The following ZFR2 variants were observed in gnomAD, a reference collection of about 807,000 sequenced individuals.
ZFR2 encodes zinc finger RNA-binding protein 2.
In ZFR2, 104 loss-of-function variants were observed where a neutral mutation model predicts 105.7. That is an observed-to-expected ratio of 0.98 (90% CI 0.84 to 1.16). ZFR2 has a LOEUF of 1.16. Among genes scored for constraint, ZFR2 ranks in the 50% most tolerant of loss-of-function variants. The pLI is 0.00. For missense variants in ZFR2, 1,425 were observed against 1,355.5 expected (o/e 1.05, Z -0.80); for synonymous variants, 634 against 597.7 (o/e 1.06, Z -0.89).
chr19:3,846,122 G>C (rs1041678571), intron 1 of ZFR2, among the ~76,000 whole-genome samples: 1 of 152,220 alleles, frequency 6.6e-6, no homozygotes, highest in African/African-American at 2.4e-5. Context: ...GACTAAAGGC[G>C]TGTGCCACCA....
rs978514267 is a variant in ZFR2, at chr19:3,835,798, C to A, written c.54-815G>T. Among the ~76,000 whole-genome samples, 7 of 151,600 alleles carry A rather than the reference C, an allele frequency of 4.6e-5. No homozygotes were observed. The South Asian group carries it at 1.0e-3, about 23-fold the overall frequency. ...TGTCTCCACCAAAATTAAAAAAAAA[C>A]AAACAATTAGCGAGTGTGATAGTAC... On this transcript the variant is annotated intron_variant, in intron 1 of 18. Coordinates refer to ENST00000262961, the MANE Select transcript of ZFR2 (RefSeq NM_015174.2).
chr19:3,811,144 T>C lies in ZFR2; in HGVS notation c.2337+128A>G, dbSNP rs1193801351. The C allele has an allele frequency of 8.6e-6, 8 of 930,150 alleles. No homozygotes were observed. The Admixed American group carries it at 1.5e-4, about 18-fold the overall frequency. 57.6% of individuals were successfully genotyped at this position (930,150 alleles called of 1,614,324 possible). A position where few individuals can be genotyped will look rare whatever the true frequency, so the allele number is the denominator to read the frequency against. ...AGTCAGCACTCGGCCAGGAAGCTGA[T>C]GGCAGGCGTCCCGGTCTGCGCTGGG... is the stretch of plus-strand genomic sequence containing the variant. On this transcript the variant is annotated intron_variant, in intron 15 of 18. Coordinates refer to ENST00000262961, the MANE Select transcript of ZFR2 (RefSeq NM_015174.2).
At chr19:3,814,101 T>C in intron 13 of ZFR2, 143 bp from the exon 14 acceptor site, 2 of 1,265,112 alleles carry the variant, frequency 1.6e-6, no homozygotes, top group Non-Finnish European at 2.2e-6. Flanking sequence ...CTGTGCCCTG[T>C]GTCTGGAACC....
chr19:3,811,460 C>CA, intron 14 of ZFR2, 94 bp from the exon 15 acceptor site: 1 of 884,548 alleles, frequency 1.1e-6, no homozygotes, highest in Non-Finnish European at 1.6e-6. Context: ...CCCCTCGACG[C>CA]TTTTTTTTTT....
chr19:3,840,798 C>T (rs1404347269), intron 1 of ZFR2, among the ~76,000 whole-genome samples: 1 of 152,132 alleles, frequency 6.6e-6, no homozygotes, highest in African/African-American at 2.4e-5. Flanking sequence ...TCCCAAAGTG[C>T]TGGGATTACA....
chr19:3,812,629 C>T (rs999723998), intron 14 of ZFR2, among the ~76,000 whole-genome samples: 14 of 152,234 alleles, frequency 9.2e-5, no homozygotes, highest in East Asian at 5.8e-4. Flanking sequence ...CAGCCTCCTC[C>T]GCATTTGTGT....
intron 5 of ZFR2, 137 bp from the exon 6 acceptor site, chr19:3,827,790 G>T: frequency 1.1e-6 from 1 of 913,372 alleles, no homozygotes; most frequent in Non-Finnish European, 1.6e-6. Context: ...CCATTCCCTG[G>T]TGCCATGGAG....
intron 1 of ZFR2, among the ~76,000 whole-genome samples, chr19:3,847,714 C>T (rs1163464638): frequency 6.6e-6 from 1 of 152,198 alleles, no homozygotes; most frequent in Non-Finnish European, 1.5e-5. Context: ...TCTAGACTGC[C>T]TCACGTTGTT....
Position 3,840,175 on chromosome 19 carries a change from TAG to T in ZFR2, c.54-5194_54-5193del, listed in dbSNP as rs369769042. Among the ~76,000 whole-genome samples the T allele has an allele frequency of 8.2e-4, 125 of 152,116 alleles. 2 individuals are homozygous for T. The East Asian group carries it at 0.016, about 20-fold the overall frequency. On this transcript the variant is annotated intron_variant, in intron 1 of 18. Coordinates refer to ENST00000262961, the MANE Select transcript of ZFR2 (RefSeq NM_015174.2). ...GATCCTCTGCCCAGGCCCTGCATCTTAGAGTTTCATCGCCCAGTACAGAAGCA... is the reference window on the plus strand; with the variant it reads ...GATCCTCTGCCCAGGCCCTGCATCTTAGTTTCATCGCCCAGTACAGAAGCA...
intron 5 of ZFR2, among the ~76,000 whole-genome samples, chr19:3,829,432 TTATGGGGGAC>T (rs1209693030): frequency 1.3e-5 from 2 of 152,022 alleles, no homozygotes; most frequent in East Asian, 3.9e-4. Context: ...GGTGGAGGGA[TTATGGGGGAC>T]TATAGGTAGG....
chr19:3,868,918 G>T (rs2038467114), intron 1 of ZFR2, 47 bp downstream of exon 1: 2 of 1,245,856 alleles, frequency 1.6e-6, no homozygotes, highest in Non-Finnish European at 2.0e-6. Flanking sequence ...TCCCGGCCAG[G>T]CTGCAGGGGC....
At chr19:3,808,848 G>A in intron 17 of ZFR2, 24 bp downstream of exon 17, 1 of 1,527,034 alleles carries the variant, frequency 6.5e-7, no homozygotes, top group Non-Finnish European at 8.8e-7. Flanking sequence ...CCCACCTCCT[G>A]GGCCCTCCGG....
At chr19:3,863,327 C>T (rs926461578) in intron 1 of ZFR2, among the ~76,000 whole-genome samples, 25 of 152,302 alleles carry the variant, frequency 1.6e-4, no homozygotes, top group African/African-American at 4.8e-4. Context: ...ACCTGTTGCC[C>T]GGGAGACATT....
intron 1 of ZFR2, among the ~76,000 whole-genome samples, chr19:3,840,858 C>G (rs1400556026): frequency 1.3e-5 from 2 of 152,142 alleles, no homozygotes; most frequent in Admixed American, 1.3e-4. Flanking sequence ...AGCTGAGGAA[C>G]AGAATGTTAA....
intron 3 of ZFR2, among the ~76,000 whole-genome samples, chr19:3,832,627 T>TG (rs1434417999): frequency 1.4e-5 from 2 of 141,756 alleles, no homozygotes; most frequent in Admixed American, 1.5e-4. Flanking sequence ...GCCTTTATTT[T>TG]GTTTTTTTTT....
Position 3,821,960 on chromosome 19 carries a change from C to T in ZFR2, c.1491+121G>A, listed in dbSNP as rs182301186. The T allele has an allele frequency of 4.7e-4, 654 of 1,396,410 alleles. 5 individuals are homozygous for T. The African/African-American group carries it at 6.7e-3, about 14-fold the overall frequency. 86.5% of individuals were successfully genotyped at this position (1,396,410 alleles called of 1,614,324 possible). Reference sequence around the variant, plus strand: ...AAGACGTTGAAAACCCAGAAAATCACCCCTCCCTCTTAAGTTCGTCGGATC... The same window carrying T: ...AAGACGTTGAAAACCCAGAAAATCATCCCTCCCTCTTAAGTTCGTCGGATC... On this transcript the variant is annotated intron_variant, in intron 9 of 18. Transcript: ENST00000262961.
chr19:3,832,090 G>A (rs1451128255), intron 3 of ZFR2, among the ~76,000 whole-genome samples: 1 of 152,136 alleles, frequency 6.6e-6, no homozygotes, highest in Non-Finnish European at 1.5e-5. Flanking sequence ...CCTGCCATGG[G>A]GGAGGAGGGC....
intron 1 of ZFR2, among the ~76,000 whole-genome samples, chr19:3,839,536 C>CAAAAAAAA (rs60712587): frequency 3.3e-4 from 12 of 36,640 alleles, no homozygotes; most frequent in Admixed American, 4.8e-4. Flanking sequence ...GGGATTCTGT[C>CAAAAAAAA]AAAAAAAAAA....
chr19:3,827,762 C>A (rs1005675905), intron 5 of ZFR2, 109 bp from the exon 6 acceptor site: 20 of 1,225,598 alleles, frequency 1.6e-5, no homozygotes, highest in Admixed American at 7.6e-5. Flanking sequence ...GTAACAGAGG[C>A]CCGCTGTCCC....
Sources: gnomAD v4.1 joint callset for allele counts (sites outside exome capture counted in the v4.1 genomes callset) on GRCh38, gnomAD v4.1.1 for gene constraint, MANE v1.5 for transcripts, NCBI Gene and HGNC (gene_info 2026-07-23, HGNC 2026-07-21) for gene names.